The following PLPP1 variants were observed in gnomAD, a reference collection of about 807,000 sequenced individuals.
The protein encoded by PLPP1 is phospholipid phosphatase 1, also known as lipid phosphate phosphohydrolase 1a.
PLPP1 carries 24 observed loss-of-function variants against 31.2 expected under a neutral mutation model. The observed-to-expected ratio is 0.77, with a 90% CI of 0.56 to 1.08. The LOEUF is 1.08. Among genes scored for constraint, PLPP1 ranks in the 50% least tolerant of loss-of-function variants. The pLI, the probability that PLPP1 is intolerant of heterozygous loss-of-function variation, is 0.00. For synonymous variants in PLPP1, 146 were observed against 126.3 expected, an observed-to-expected ratio of 1.16 and a Z score of -1.05; for missense variants, 319 against 342.7, an observed-to-expected ratio of 0.93 and a Z score of 0.55.
In PLPP1 at chr5:55,528,873, C is replaced by T. The variant is rs1219663140; in HGVS notation, c.58+5699G>A. The stretch of plus-strand genomic sequence containing the variant: ...GTGAATCCACTCTTAGTCCTTTATT[C>T]TGTGATTTGGGCCTTCTACAAAATA... On this transcript the variant is annotated intron_variant, in intron 1 of 5. Coordinates refer to ENST00000307259, the MANE Select transcript of PLPP1 (RefSeq NM_003711.4). Among the ~76,000 whole-genome samples the T allele has an allele frequency of 2.0e-5, 3 of 152,084 alleles. No individual in the cohort carries two copies. The East Asian group carries it at 5.8e-4, about 29-fold the overall frequency.
intron 1 of PLPP1, among the ~76,000 whole-genome samples, chr5:55,482,539 T>C (rs1201106095): frequency 1.3e-5 from 2 of 152,134 alleles, no homozygotes; most frequent in East Asian, 1.9e-4. Context: ...TTACTGCCTA[T>C]AGAGGTGAAA....
In PLPP1 at chr5:55,534,644, C is replaced by A; in HGVS notation, c.-15G>T. ...TTGTCAAACATGGTCTCTGCCCGGG[C>A]TGCCCGGCAAGGGCGATGGACTGAG... On this transcript the variant is annotated 5_prime_UTR_variant, in exon 1 of 6. Transcript: ENST00000307259. 3.2e-6 allele frequency: 5 copies of A among 1,542,996 alleles called. No individual in the cohort carries two copies. Among genetic ancestry groups the A allele is most frequent in the Admixed American group, 3.9e-5 (2 of 51,308 alleles).
intron 3 of PLPP1, among the ~76,000 whole-genome samples, chr5:55,449,698 CAT>C (rs1266757884): frequency 2.6e-5 from 4 of 151,850 alleles, no homozygotes; most frequent in African/African-American, 7.2e-5. Flanking sequence ...CAAATTACAA[CAT>C]GAGGCATTTT....
intron 2 of PLPP1, among the ~76,000 whole-genome samples, chr5:55,472,599 G>C: frequency 6.7e-6 from 1 of 150,154 alleles, no homozygotes; most frequent in East Asian, 2.0e-4. Flanking sequence ...GACTGTGAAA[G>C]AAGAAAGAAA....
At chr5:55,468,841 C>T (rs1752360641) in intron 2 of PLPP1, among the ~76,000 whole-genome samples, 1 of 152,026 alleles carries the variant, frequency 6.6e-6, no homozygotes, top group East Asian at 1.9e-4. Flanking sequence ...ACCTACTTCC[C>T]CAATCAGAAA....
intron 1 of PLPP1, among the ~76,000 whole-genome samples, chr5:55,487,150 A>C (rs982804171): frequency 1.3e-5 from 2 of 152,186 alleles, no homozygotes; most frequent in African/African-American, 4.8e-5. Context: ...ATAGCCTATT[A>C]AACATAGGTA....
chr5:55,467,445 G>A (rs1752326326), intron 3 of PLPP1, among the ~76,000 whole-genome samples: 1 of 151,748 alleles, frequency 6.6e-6, no homozygotes, highest in African/African-American at 2.4e-5. Context: ...CAGCACTTTG[G>A]GAGGCCAAGG....
chr5:55,425,399 TCAA>T (rs1751154772), intron 5 of PLPP1, 65 bp from the exon 6 acceptor site: 1 of 1,391,088 alleles, frequency 7.2e-7, no homozygotes, highest in African/African-American at 1.4e-5. Flanking sequence ...AAAGTTGTGA[TCAA>T]CAGCATCCTA....
intron 1 of PLPP1, among the ~76,000 whole-genome samples, chr5:55,524,843 T>C (rs1347221124): frequency 2.0e-5 from 3 of 152,212 alleles, no homozygotes; most frequent in Non-Finnish European, 4.4e-5. Context: ...ATATTAACTC[T>C]ACTTTTTTAT....
At chr5:55,512,478 AAAAAAGAAAGAAAG>A (rs1753439551) in intron 1 of PLPP1, among the ~76,000 whole-genome samples, 3 of 123,680 alleles carry the variant, frequency 2.4e-5, no homozygotes, top group East Asian at 2.3e-4. Flanking sequence ...CAAAAAAAAA[AAAAAAGAAAGAAAG>A]AAAGAAAAGA....
chr5:55,504,109 G>A (rs536761291), intron 1 of PLPP1, among the ~76,000 whole-genome samples: 22 of 151,954 alleles, frequency 1.4e-4, no homozygotes, highest in South Asian at 8.3e-4. Context: ...GGTGGCTCAC[G>A]CCTATAATCC....
rs953892445 is a variant in PLPP1 at position 55,428,666 on chromosome 5, A to C, written c.550-2627T>G. 5.3e-5 allele frequency among the ~76,000 whole-genome samples: 8 copies of C among 152,334 alleles called. No homozygotes were observed. The East Asian group carries it at 1.5e-3, about 29-fold the overall frequency. ...AAAAGTTGAATGTCTGAAGCTTCTC[A>C]ATACTGTTCTATTAGAACTAGATAC... is the stretch of plus-strand genomic sequence containing the variant. On this transcript the variant is annotated intron_variant, in intron 4 of 5. Coordinates refer to ENST00000307259, the MANE Select transcript of PLPP1 (RefSeq NM_003711.4).
intron 2 of PLPP1, among the ~76,000 whole-genome samples, chr5:55,470,306 C>T (rs1180438723): frequency 6.6e-6 from 1 of 152,238 alleles, no homozygotes; most frequent in East Asian, 1.9e-4. Flanking sequence ...TAATCAACCA[C>T]AGTTTCAGCA....
rs368045819 is a variant in PLPP1, at chr5:55,444,743, T to TGTGTGTGTG, written c.492-2836_492-2835insCACACACAC. 1.5e-3 allele frequency among the ~76,000 whole-genome samples: 209 copies of TGTGTGTGTG among 137,376 alleles called. 4 individuals are homozygous for TGTGTGTGTG. The highest frequency in any genetic ancestry group is 2.3e-3 in the East Asian group (11 of 4,810). 90.1% of individuals were successfully genotyped at this position (137,376 alleles called of 152,430 possible). A position where few individuals can be genotyped will look rare whatever the true frequency, so the allele number is the denominator to read the frequency against. On this transcript the variant is annotated intron_variant, in intron 3 of 5. Transcript: ENST00000307259. The stretch of plus-strand genomic sequence containing the variant: ...AAATCACTATGAATGGGATTCTATT[T>TGTGTGTGTG]TGTGTGTGTGTGTGTGTGTGTGTGT...
chr5:55,462,967 C>A (rs1178062826), intron 3 of PLPP1, among the ~76,000 whole-genome samples: 14 of 147,060 alleles, frequency 9.5e-5, no homozygotes. Flanking sequence ...AGCGAGACTC[C>A]ATCTCAAAAA....
intron 1 of PLPP1, among the ~76,000 whole-genome samples, chr5:55,528,310 A>G (rs6896415): frequency 0.018 from 2,707 of 152,308 alleles, 82 homozygotes; most frequent in African/African-American, 0.061. Flanking sequence ...TTTATCTACA[A>G]TGGAGCAGAT....
Position 55,425,130 on chromosome 5 carries a change from G to A in PLPP1, c.*76C>T. On this transcript the variant is annotated 3_prime_UTR_variant, in exon 6 of 6. Transcript: ENST00000307259. ...TAAAGGCTTGTACACCAGGAAGAAA[G>A]ATGCATCCTCTTGCCTTGTGGCAAT... 3 of 1,513,454 alleles carry A rather than the reference G, an allele frequency of 2.0e-6. No individual in the cohort carries two copies. The highest frequency in any genetic ancestry group is 2.7e-6 in the Non-Finnish European group (3 of 1,120,772). 93.8% of individuals were successfully genotyped at this position (1,513,454 alleles called of 1,614,324 possible). A position where few individuals can be genotyped will look rare whatever the true frequency, so the allele number is the denominator to read the frequency against.
intron 1 of PLPP1, among the ~76,000 whole-genome samples, chr5:55,495,558 G>A (rs1430399705): frequency 6.6e-6 from 1 of 152,128 alleles, no homozygotes; most frequent in Non-Finnish European, 1.5e-5. Context: ...CATGAGAACT[G>A]AGTAAAGACT....
In PLPP1 at chr5:55,432,679, T is replaced by A. The variant is rs533105513; in HGVS notation, c.550-6640A>T. Among the ~76,000 whole-genome samples the A allele has an allele frequency of 8.5e-4, 129 of 151,450 alleles. 3 individuals are homozygous for A. In the South Asian group the frequency reaches 0.025, roughly 30 times the overall value. The stretch of plus-strand genomic sequence containing the variant: ...AACACATCAAAAAGATATGCCACGA[T>A]CAAGTGTGATTTATCCCAGGGATGC... On this transcript the variant is annotated intron_variant, in intron 4 of 5. Coordinates refer to ENST00000307259, the MANE Select transcript of PLPP1 (RefSeq NM_003711.4).
Sources: gnomAD v4.1 joint callset for allele counts (sites outside exome capture counted in the v4.1 genomes callset) on GRCh38, gnomAD v4.1.1 for gene constraint, MANE v1.5 for transcripts, NCBI Gene and HGNC (gene_info 2026-07-23, HGNC 2026-07-21) for gene names.